Variants in PEF1 observed in about 807,000 individuals in gnomAD.
PEF1 encodes the protein penta-EF-hand domain containing 1.
Under a neutral mutation model 32.0 loss-of-function variants are expected in PEF1, and 17 were observed. That is an observed-to-expected ratio of 0.53 (90% confidence interval 0.36 to 0.80). PEF1 has a LOEUF of 0.80. Ranked by LOEUF, PEF1 falls within the 30% of genes least tolerant of loss-of-function variation. The pLI is 0.00. For synonymous variants in PEF1, 130 were observed against 139.8 expected (o/e 0.93, Z 0.50); for missense variants, 362 against 369.1 (o/e 0.98, Z 0.16).
intron 2 of PEF1, among the ~76,000 whole-genome samples, chr1:31,633,745 C>T (rs1570271403): frequency 6.6e-6 from 1 of 152,024 alleles, no homozygotes; most frequent in African/African-American, 2.4e-5. Context: ...CACCTGAGGT[C>T]GGGAGTTTGA....
At chr1:31,635,025 A>G (rs1340587203) in intron 2 of PEF1, 197 bp downstream of exon 2, 38 of 770,998 alleles carry the variant, frequency 4.9e-5, no homozygotes, top group Non-Finnish European at 8.4e-5. Context: ...AGTAAGCATG[A>G]GCAAGCAATA....
rs1640075245 is a variant in PEF1, at chr1:31,630,760, A to G, written c.708T>C (p.Pro236=). Residue 236 remains proline (P), a synonymous_variant, in exon 5 of 5, where the codon CCT becomes CCC. Transcript: ENST00000373703. ...VSRYCPRSAN[P]AMQLDRFIQV... Reference sequence around the variant, plus strand: ...GGATGAAGCGGTCAAGCTGCATGGCAGGATTGGCAGAGCGTGGGCAGTAGC... The same window carrying G: ...GGATGAAGCGGTCAAGCTGCATGGCGGGATTGGCAGAGCGTGGGCAGTAGC... 1 of 1,613,988 alleles carries G rather than the reference A, an allele frequency of 6.2e-7. No homozygotes were observed. Among genetic ancestry groups the G allele is most frequent in the Non-Finnish European group, 8.5e-7 (1 of 1,180,052 alleles).
intron 2 of PEF1, among the ~76,000 whole-genome samples, chr1:31,634,256 A>G (rs1292502479): frequency 6.6e-6 from 1 of 152,200 alleles, no homozygotes; most frequent in Non-Finnish European, 1.5e-5. Context: ...GGCAGGAGAG[A>G]TTCTGTGACA....
chr1:31,638,957 C>T (rs1640325273), intron 1 of PEF1, among the ~76,000 whole-genome samples: 1 of 152,226 alleles, frequency 6.6e-6, no homozygotes, highest in Admixed American at 6.5e-5. Flanking sequence ...ACAATCTGAT[C>T]AGTGCCATCA....
At chr1:31,632,291 C>T (rs755201965) in intron 4 of PEF1, 114 of 864,236 alleles carry the variant, frequency 1.3e-4, no homozygotes, top group Non-Finnish European at 2.1e-4. Context: ...ATTCTGGACC[C>T]AGGTGTTTCC....
At position 31,630,364 on chromosome 1, in the gene PEF1, T is replaced by C; in HGVS notation, c.*249A>G. On this transcript the variant is annotated 3_prime_UTR_variant, in exon 5 of 5. Coordinates refer to ENST00000373703, the MANE Select transcript of PEF1 (RefSeq NM_012392.4). Reference sequence around the variant, plus strand: ...CCAGGCTGTGCCACTCAACTGCTCATGGCCATCAGGACATTCAACTTCTAT... The same window carrying C: ...CCAGGCTGTGCCACTCAACTGCTCACGGCCATCAGGACATTCAACTTCTAT... 1 of 519,322 alleles carries C rather than the reference T, an allele frequency of 1.9e-6. No individual in the cohort carries two copies. The highest frequency in any genetic ancestry group is 3.5e-5 in the East Asian group (1 of 28,780). 32.2% of individuals were successfully genotyped at this position (519,322 alleles called of 1,614,324 possible). A position where few individuals can be genotyped will look rare whatever the true frequency, so the allele number is the denominator to read the frequency against.
At chr1:31,632,994 A>C (rs1640154731) in intron 3 of PEF1, among the ~76,000 whole-genome samples, 165 bp downstream of exon 3, 1 of 152,160 alleles carries the variant, frequency 6.6e-6, no homozygotes, top group East Asian at 1.9e-4. Context: ...TCAGGAAAAG[A>C]GCTCTCAGTC....
rs1374773204 is a variant in PEF1 at position 31,635,375 on chromosome 1, G to A, written c.172C>T (p.Pro58Ser). ...TGTCCATAGGGCCCTCCACCAGCTG[G>A]TGGTCCATAAGGCCCTCCAGGGGCA... is the stretch of plus-strand genomic sequence containing the variant. ...GPAPGGPYGP[P>S]AGGGPYGHPN... The change falls in exon 2 of 5, where the codon CCA becomes TCA. Residue 58 changes from proline to serine, a missense_variant. Pro to Ser is a moderately conservative substitution (Grantham distance 74, BLOSUM62 -1). Transcript: ENST00000373703. 6.2e-7 allele frequency: 1 copy of A among 1,613,748 alleles called. No individual in the cohort carries two copies. The highest frequency in any genetic ancestry group is 8.5e-7 in the Non-Finnish European group (1 of 1,179,880).
intron 1 of PEF1, among the ~76,000 whole-genome samples, chr1:31,643,382 T>C (rs1210033812): frequency 2.0e-5 from 3 of 152,212 alleles, no homozygotes; most frequent in African/African-American, 7.2e-5. Flanking sequence ...ATTAACAATA[T>C]CTATTAAAAC....
chr1:31,633,199 A>T lies in PEF1; in HGVS notation c.441T>A (p.Asn147Lys). The T allele has an allele frequency of 1.9e-6, 3 of 1,614,118 alleles. No homozygotes were observed. The highest frequency in any genetic ancestry group is 2.5e-6 in the Non-Finnish European group (3 of 1,179,994). The change falls in exon 3 of 5, where the codon AAT becomes AAA. Residue 147 changes from asparagine to lysine, a missense_variant. Coordinates refer to ENST00000373703, the MANE Select transcript of PEF1 (RefSeq NM_012392.4). ...AGGTCTCATCATTGAATGAAGACCAATTGCAGTTGACCAGGGCCTGCTTTA... is the reference window on the plus strand; with the variant it reads ...AGGTCTCATCATTGAATGAAGACCATTTGCAGTTGACCAGGGCCTGCTTTA... ...KELKQALVNC[N>K]WSSFNDETCL...
intron 1 of PEF1, chr1:31,644,385 G>A: frequency 4.9e-6 from 5 of 1,014,136 alleles, no homozygotes; most frequent in Non-Finnish European, 4.7e-6. Flanking sequence ...CTCACTTGTG[G>A]CGCCTGCTAC....
intron 2 of PEF1, among the ~76,000 whole-genome samples, chr1:31,634,336 T>C (rs181225241): frequency 8.5e-5 from 13 of 152,382 alleles, no homozygotes; most frequent in Admixed American, 5.2e-4. Context: ...ATTCAAACCC[T>C]GGATCTGATC....
chr1:31,640,298 C>T (rs1472207548), intron 1 of PEF1, among the ~76,000 whole-genome samples: 1 of 152,082 alleles, frequency 6.6e-6, no homozygotes, highest in Non-Finnish European at 1.5e-5. Context: ...AATTAAGGGG[C>T]AGAGAGTTTA....
At chr1:31,644,492 T>G in intron 1 of PEF1, 1 of 1,263,094 alleles carries the variant, frequency 7.9e-7, no homozygotes, top group Non-Finnish European at 1.0e-6. Flanking sequence ...GAACCAGAAC[T>G]CTAAACCTCC....
At chr1:31,633,447 T>TG in intron 2 of PEF1, 133 bp from the exon 3 acceptor site, 1 of 972,620 alleles carries the variant, frequency 1.0e-6, no homozygotes, top group Non-Finnish European at 1.5e-6. Context: ...CAAGCTGACA[T>TG]TCTTACTCTG....
intron 2 of PEF1, 107 bp downstream of exon 2, chr1:31,635,115 A>C: frequency 2.2e-6 from 3 of 1,343,710 alleles, no homozygotes; most frequent in East Asian, 4.6e-5. Flanking sequence ...CAAGATGCTA[A>C]GGTGCCAGAG....
At chr1:31,643,328 T>TA (rs35361332) in intron 1 of PEF1, among the ~76,000 whole-genome samples, 64,376 of 152,194 alleles carry the variant, frequency 0.42, 16,231 homozygotes, top group Non-Finnish European at 0.56. Context: ...CAGCTATACT[T>TA]AAGAGTATTT....
intron 2 of PEF1, among the ~76,000 whole-genome samples, chr1:31,633,671 A>C (rs1170836165): frequency 6.6e-6 from 1 of 152,174 alleles, no homozygotes; most frequent in African/African-American, 2.4e-5. Context: ...AAAGTGTAGA[A>C]GTGGCCAGGC....
Position 31,630,434 on chromosome 1 carries a change from C to A in PEF1, c.*179G>T. The A allele has an allele frequency of 6.0e-6, 4 of 665,124 alleles. No homozygotes were observed. The South Asian group carries it at 7.5e-5, about 13-fold the overall frequency. 41.2% of individuals were successfully genotyped at this position (665,124 alleles called of 1,614,324 possible). ...CTATCTGTGTGGCCTCAGCCCCGGT[C>A]CTCACTATTTGGTGGCTATGATGCA... On this transcript the variant is annotated 3_prime_UTR_variant, in exon 5 of 5. Coordinates refer to ENST00000373703, the MANE Select transcript of PEF1 (RefSeq NM_012392.4).
Sources: gnomAD v4.1 joint callset for allele counts (sites outside exome capture counted in the v4.1 genomes callset) on GRCh38, gnomAD v4.1.1 for gene constraint, MANE v1.5 for transcripts, NCBI Gene and HGNC (gene_info 2026-07-23, HGNC 2026-07-21) for gene names.